USH2A: variants seen among roughly 807,000 people sequenced by gnomAD.
USH2A encodes Usher syndrome 2A (autosomal recessive, mild).
USH2A carries 443 observed loss-of-function variants against 538.9 expected under a neutral mutation model. The ratio of observed to expected loss-of-function variants is 0.82; its 90% confidence interval spans 0.76 to 0.89. The LOEUF is 0.89. Ranked by LOEUF, USH2A falls within the 40% of genes least tolerant of loss-of-function variation. The pLI is 0.00. For synonymous variants in USH2A, 2,413 were observed against 2,273.5 expected (o/e 1.06, Z -1.75); for missense variants, 6,633 against 6,324.8 (o/e 1.05, Z -1.65).
At chr1:215,635,396 A>C (rs895558630) in intron 69 of USH2A, among the ~76,000 whole-genome samples, 2 of 152,164 alleles carry the variant, frequency 1.3e-5, no homozygotes, top group African/African-American at 4.8e-5. Flanking sequence ...GCGTTCACAC[A>C]TTGAGAGTTC....
At chr1:215,725,116 C>T (rs1405867738) in intron 61 of USH2A, among the ~76,000 whole-genome samples, 3 of 152,108 alleles carry the variant, frequency 2.0e-5, no homozygotes, top group Admixed American at 6.5e-5. Context: ...TCACTGCAAC[C>T]GTGGCCTCCT....
chr1:216,322,124 G>A lies in USH2A; in HGVS notation c.1551-148C>T, dbSNP rs149430434. 1.9e-3 allele frequency: 1,498 copies of A among 790,202 alleles called. 33 individuals are homozygous for A. The East Asian group carries it at 0.037, about 20-fold the overall frequency. The allele number at this position is 790,202 out of a possible 1,614,324, so 48.9% of individuals were successfully genotyped here. A position where few individuals can be genotyped will look rare whatever the true frequency, so the allele number is the denominator to read the frequency against. ...ACAAAATCAGTTTCTCCTTAATCGT[G>A]TGGATATCCATACACGTTTTTAATT... On this transcript the variant is annotated intron_variant, in intron 8 of 71. Transcript: ENST00000307340.
At chr1:215,768,121 C>T (rs753817907) in intron 55 of USH2A, among the ~76,000 whole-genome samples, 3 of 152,250 alleles carry the variant, frequency 2.0e-5, no homozygotes, top group East Asian at 1.9e-4. Context: ...TCAAATACTA[C>T]ATTTTAAAAA....
intron 16 of USH2A, among the ~76,000 whole-genome samples, chr1:216,205,468 G>C (rs1336711500): frequency 6.6e-6 from 1 of 152,138 alleles, no homozygotes. Context: ...GTAGAGCCAA[G>C]AGAAAGGGGT....
At chr1:215,737,353 T>C (rs1660183585) in intron 60 of USH2A, among the ~76,000 whole-genome samples, 1 of 151,932 alleles carries the variant, frequency 6.6e-6, no homozygotes, top group African/African-American at 2.4e-5. Flanking sequence ...TCTTCTGTAC[T>C]GTTAAAACAT....
At chr1:215,813,260 C>A (rs185807673) in intron 49 of USH2A, among the ~76,000 whole-genome samples, 3 of 152,116 alleles carry the variant, frequency 2.0e-5, no homozygotes, top group African/African-American at 7.2e-5. Context: ...CCTTCCCTTG[C>A]CTGACTTATG....
chr1:215,860,506 C>T (rs758382379), intron 44 of USH2A, among the ~76,000 whole-genome samples: 7 of 151,974 alleles, frequency 4.6e-5, no homozygotes, highest in East Asian at 3.9e-4. Flanking sequence ...ACTTCAATGG[C>T]GAAAACCACA....
At chr1:215,675,728 T>C (rs931859233) in intron 62 of USH2A, 112 bp from the exon 63 acceptor site, 2 of 1,572,782 alleles carry the variant, frequency 1.3e-6, no homozygotes, top group African/African-American at 2.7e-5. Flanking sequence ...ATGACCCTAA[T>C]TTAGAAGAAG....
chr1:216,297,098 A>C (rs1287037075), intron 9 of USH2A, among the ~76,000 whole-genome samples: 2 of 151,856 alleles, frequency 1.3e-5, no homozygotes, highest in Non-Finnish European at 2.9e-5. Context: ...TCTCACATCT[A>C]ACTTCTGTTT....
At chr1:216,074,544 T>A (rs187035216) in intron 27 of USH2A, among the ~76,000 whole-genome samples, 1 of 152,334 alleles carries the variant, frequency 6.6e-6, no homozygotes, top group Admixed American at 6.5e-5. Flanking sequence ...ACACATTAAG[T>A]TGCAGCCTAT....
At chr1:215,760,793 C>T (rs1457984115) in intron 56 of USH2A, among the ~76,000 whole-genome samples, 1 of 152,174 alleles carries the variant, frequency 6.6e-6, no homozygotes, top group Non-Finnish European at 1.5e-5. Flanking sequence ...TTTACTTTCA[C>T]TTCTCCTGGT....
rs10548505 is a variant in USH2A, at chr1:216,298,843, CTTT to C, written c.1645-6476_1645-6474del. Among the ~76,000 whole-genome samples, 116 of 143,272 alleles carry C rather than the reference CTTT, an allele frequency of 8.1e-4. 1 individual carries two copies. Among genetic ancestry groups the C allele is most frequent in the South Asian group, 1.6e-3 (7 of 4,364 alleles). 94.0% of individuals were successfully genotyped at this position (143,272 alleles called of 152,430 possible). ...ATTCCACTGAGAATTTAGGAGAATACTTTTTTTTTTTTTTTGAGACGGAGTCTC... is the reference window on the plus strand; with the variant it reads ...ATTCCACTGAGAATTTAGGAGAATACTTTTTTTTTTTTGAGACGGAGTCTC... On this transcript the variant is annotated intron_variant, in intron 9 of 71. Coordinates refer to ENST00000307340, the MANE Select transcript of USH2A (RefSeq NM_206933.4).
At chr1:216,325,628 G>A in intron 5 of USH2A, 29 bp from the exon 6 acceptor site, 3 of 1,606,322 alleles carry the variant, frequency 1.9e-6, no homozygotes, top group South Asian at 2.2e-5. Flanking sequence ...AGACTGTAAG[G>A]ACAAAGAGCT....
intron 61 of USH2A, among the ~76,000 whole-genome samples, chr1:215,697,254 T>A (rs1658847404): frequency 6.6e-6 from 1 of 151,970 alleles, no homozygotes; most frequent in African/African-American, 2.4e-5. Flanking sequence ...TCACCTCACC[T>A]GGCCTGCCCC....
chr1:215,754,456 A>AT lies in USH2A; in HGVS notation c.11389+4138dup, dbSNP rs569556139. 8.4e-4 allele frequency among the ~76,000 whole-genome samples: 127 copies of AT among 151,706 alleles called. 1 individual carries two copies. Among genetic ancestry groups the AT allele is most frequent in the African/African-American group, 2.9e-3 (119 of 41,344 alleles). ...TCAGTTGCCAAGTAACCACATAGAC[A>AT]TTTTTTTTCCCAGCAGCTTACCTGT... On this transcript the variant is annotated intron_variant, in intron 58 of 71. Coordinates refer to ENST00000307340, the MANE Select transcript of USH2A (RefSeq NM_206933.4).
At chr1:216,187,738 T>C (rs1355845856) in intron 20 of USH2A, among the ~76,000 whole-genome samples, 6 of 151,932 alleles carry the variant, frequency 3.9e-5, no homozygotes, top group Admixed American at 6.6e-5. Context: ...TAAATTTTTA[T>C]TGAGAATGAA....
At chr1:216,390,894 G>A (rs1366517241) in intron 3 of USH2A, among the ~76,000 whole-genome samples, 1 of 152,148 alleles carries the variant, frequency 6.6e-6, no homozygotes, top group Admixed American at 6.5e-5. Context: ...CTGGAGGGGT[G>A]CAAGTTATTT....
In USH2A at chr1:215,634,644, A is replaced by T. The variant is rs572389883; in HGVS notation, c.15112T>A (p.Tyr5038Asn). Residue 5038 changes from tyrosine (Y) to asparagine (N), a missense_variant, in exon 70 of 72, where the codon TAC becomes AAC. Tyr to Asn is a moderately radical substitution (Grantham distance 143, BLOSUM62 -2). Coordinates refer to ENST00000307340, the MANE Select transcript of USH2A (RefSeq NM_206933.4). ...KGSRSKSTEF[Y>N]SELWFIVLMA... ...AACACTATGAACCACAGCTCGCTGT[A>T]GAACTCTGTGCTTTTGCTCCGCGAT... 1 of 1,614,264 alleles carries T rather than the reference A, an allele frequency of 6.2e-7. No individual in the cohort carries two copies. The highest frequency in any genetic ancestry group is 2.2e-5 in the East Asian group (1 of 44,892).
At chr1:216,289,477 T>A in intron 10 of USH2A, 67 bp from the exon 11 acceptor site, 1 of 1,604,572 alleles carries the variant, frequency 6.2e-7, no homozygotes, top group Admixed American at 1.7e-5. Context: ...AATTCAAAAT[T>A]AAAGACTGTA....
Sources: allele counts gnomAD v4.1 joint callset (sites outside exome capture counted in the v4.1 genomes callset), GRCh38; gene constraint gnomAD v4.1.1; transcripts MANE v1.5; gene names NCBI Gene and HGNC (gene_info 2026-07-23, HGNC 2026-07-21).